The following DNAH12 variants were observed in gnomAD, a reference collection of about 807,000 sequenced individuals.
DNAH12 encodes axonemal beta dynein heavy chain 12.
A neutral mutation model predicts 371.5 loss-of-function variants in DNAH12; 285 were observed. The ratio of observed to expected loss-of-function variants is 0.77; its 90% CI spans 0.70 to 0.85. The LOEUF (loss-of-function observed/expected upper bound fraction) is 0.85, where lower values mean the gene tolerates loss of function less well. DNAH12 is among the 40% of genes least tolerant of loss of function. DNAH12 has a pLI of 0.00. For missense variants in DNAH12, 3,611 were observed against 3,689.4 expected (o/e 0.98, Z 0.55); for synonymous variants, 1,200 against 1,213.0 (o/e 0.99, Z 0.22).
chr3:57,399,987 G>C (rs1575546082), intron 43 of DNAH12, among the ~76,000 whole-genome samples: 1 of 152,130 alleles, frequency 6.6e-6, no homozygotes. Flanking sequence ...ATGTTTTGGG[G>C]GAGTCAAAAG....
chr3:57,406,330 C>T (rs1446231990), intron 40 of DNAH12, among the ~76,000 whole-genome samples: 3 of 140,502 alleles, frequency 2.1e-5, no homozygotes, highest in African/African-American at 5.4e-5. Context: ...GCACTCCAGC[C>T]TGGGCAACGA....
At position 57,437,067 on chromosome 3, in the gene DNAH12, T is replaced by C; in HGVS notation, c.4546-7A>G. 1 of 1,481,574 alleles carries C rather than the reference T, an allele frequency of 6.7e-7. No individual in the cohort carries two copies. The highest frequency in any genetic ancestry group is 9.0e-7 in the Non-Finnish European group (1 of 1,105,834). 91.8% of individuals were successfully genotyped at this position (1,481,574 alleles called of 1,614,324 possible). A position where few individuals can be genotyped will look rare whatever the true frequency, so the allele number is the denominator to read the frequency against. On this transcript the variant is annotated splice_polypyrimidine_tract_variant and splice_region_variant and intron_variant, in intron 29 of 73. Transcript: ENST00000495027. ...GAGCACATTCCAAAAATTCCTGAAA[T>C]AAAAAAAAGTAATGCATTTCTACAA...
intron 4 of DNAH12, among the ~76,000 whole-genome samples, chr3:57,517,191 A>G (rs73080581): frequency 0.12 from 18,986 of 152,168 alleles, 1,342 homozygotes; most frequent in South Asian, 0.21. Flanking sequence ...ACCAGTCACT[A>G]TCTACCATAT....
intron 58 of DNAH12, 97 bp from the exon 59 acceptor site, chr3:57,357,445 G>A (rs1423320519): frequency 6.6e-6 from 1 of 152,020 alleles, no homozygotes; most frequent in Non-Finnish European, 1.5e-5. Flanking sequence ...AAAAATCTCA[G>A]TGCAATAACA....
rs372774364 is a variant in DNAH12 at position 57,323,469 on chromosome 3, T to C, written c.10129A>G (p.Ser3377Gly). 5 of 1,542,124 alleles carry C rather than the reference T, an allele frequency of 3.2e-6. No homozygotes were observed. The highest frequency in any genetic ancestry group is 2.6e-6 in the Non-Finnish European group (3 of 1,144,372). Residue 3377 changes from serine (S) to glycine (G), a missense_variant and splice_region_variant, in exon 63 of 74, where the codon AGC becomes GGC. By Grantham distance (56) the Ser-to-Gly change is moderately conservative. Coordinates refer to ENST00000495027, the MANE Select transcript of DNAH12 (RefSeq NM_001366028.2). ...AAAAGTTTACAGTATATGCACTTACTGGCCATAGGATCTGCTCCTGGAGAT... is the reference window on the plus strand; with the variant it reads ...AAAAGTTTACAGTATATGCACTTACCGGCCATAGGATCTGCTCCTGGAGAT... ...VLSPGADPMA[S>G]LLKFANDKSM...
chr3:57,540,072 G>A (rs1401872357), intron 2 of DNAH12, among the ~76,000 whole-genome samples: 6 of 150,706 alleles, frequency 4.0e-5, no homozygotes, highest in African/African-American at 9.8e-5. Flanking sequence ...TTTTTTTTGA[G>A]ATGGAGTCTC....
At chr3:57,386,642 T>A (rs1312477536) in intron 46 of DNAH12, 39 bp from the exon 47 acceptor site, 1 of 152,218 alleles carries the variant, frequency 6.6e-6, no homozygotes, top group South Asian at 2.1e-4. Context: ...CTTTAAGTAA[T>A]GGATTTCACA....
intron 13 of DNAH12, among the ~76,000 whole-genome samples, chr3:57,476,755 T>A (rs941981805): frequency 1.3e-5 from 2 of 152,210 alleles, no homozygotes; most frequent in African/African-American, 2.4e-5. Flanking sequence ...TGTTTAACAT[T>A]TTTAAAAGTT....
In DNAH12 at chr3:57,468,755, T is replaced by C; in HGVS notation, c.2330A>G (p.Glu777Gly). 1 of 1,481,946 alleles carries C rather than the reference T, an allele frequency of 6.7e-7. No homozygotes were observed. Among genetic ancestry groups the C allele is most frequent in the Non-Finnish European group, 8.9e-7 (1 of 1,123,520 alleles). The allele number at this position is 1,481,946 out of a possible 1,614,324, so 91.8% of individuals were successfully genotyped here. The change falls in exon 17 of 74, where the codon GAA becomes GGA. Residue 777 changes from glutamate (E) to glycine (G), a missense_variant. By Grantham distance (98) the Glu-to-Gly change is moderately conservative. Transcript: ENST00000495027. ...TTATACCTTAAAAGCTTTTATCTGT[T>C]CCATGACTGTACTGCACATAGTAAT... ...ATITMCSTVM[E>G]QIKAFKEYIP...
At chr3:57,552,714 A>C in the DNAH12 span, among the ~76,000 whole-genome samples, 1 of 151,616 alleles carries the variant, frequency 6.6e-6, no homozygotes, top group Non-Finnish European at 1.5e-5. Context: ...GTTTGAGACC[A>C]GCTTGGGCAA....
Position 57,334,509 on chromosome 3 carries a change from C to T in DNAH12, c.9934G>A (p.Glu3312Lys), listed in dbSNP as rs369907750. 6.4e-7 allele frequency: 1 copy of T among 1,550,536 alleles called. No individual in the cohort carries two copies. The highest frequency in any genetic ancestry group is 1.4e-5 in the African/African-American group (1 of 73,016). The change falls in exon 62 of 74, where the codon GAA becomes AAA. Residue 3312 changes from glutamate to lysine, a missense_variant. Physicochemically the swap from Glu to Lys is moderately conservative, Grantham distance 56. This residue lies in a region of DNAH12 where 2,266 missense variants were observed against 2,236.9 expected (regional missense o/e 1.01). Coordinates refer to ENST00000495027, the MANE Select transcript of DNAH12 (RefSeq NM_001366028.2). Reference protein sequence around the residue: ...FPAPMDKNLNELQKIIILRCL... With the variant: ...FPAPMDKNLNKLQKIIILRCL... ...CGAAGAATTATTATTTTCTGTAGTTCATTTAGGTTCTTATCCATTGGTGCT... is the reference window on the plus strand; with the variant it reads ...CGAAGAATTATTATTTTCTGTAGTTTATTTAGGTTCTTATCCATTGGTGCT...
At chr3:57,347,669 C>T (rs1027667837) in intron 60 of DNAH12, among the ~76,000 whole-genome samples, 4 of 146,370 alleles carry the variant, frequency 2.7e-5, no homozygotes, top group Non-Finnish European at 4.5e-5. Context: ...TGAGCCAAGA[C>T]GAGATAGAGC....
chr3:57,327,726 A>G (rs2061985022), intron 62 of DNAH12, among the ~76,000 whole-genome samples: 1 of 152,074 alleles, frequency 6.6e-6, no homozygotes, highest in African/African-American at 2.4e-5. Context: ...GAACTGAAGG[A>G]AATAGAGACA....
rs1412511575 is a variant in DNAH12, at chr3:57,366,941, T to C, written c.8975-20A>G. 1.3e-5 allele frequency: 2 copies of C among 152,214 alleles called. No homozygotes were observed. The highest frequency in any genetic ancestry group is 2.9e-5 in the Non-Finnish European group (2 of 68,044). 9.4% of individuals were successfully genotyped at this position (152,214 alleles called of 1,614,324 possible). On this transcript the variant is annotated intron_variant, in intron 56 of 73. Transcript: ENST00000495027. ...TGCCACCTATATTTCAGAAAACAAA[T>C]GCATAACAAGTGAGCTAGTTACATA...
rs1469094301 is a variant in DNAH12, at chr3:57,542,790, T to C, written c.81A>G (p.Pro27=). The change falls in exon 2 of 74, where the codon CCA becomes CCG. Residue 27 remains proline, a synonymous_variant. Transcript: ENST00000495027. Reference sequence around the variant, plus strand: ...TTGGTGTATCAACGCCTATGTTTTCTGGGAGATGGACAATGGGGGGTAACT... The same window carrying C: ...TTGGTGTATCAACGCCTATGTTTTCCGGGAGATGGACAATGGGGGGTAACT... ...NLKLPPIVHL[P]ENIGVDTPTQ... 5.6e-6 allele frequency: 9 copies of C among 1,611,750 alleles called. No individual in the cohort carries two copies. The highest frequency in any genetic ancestry group is 5.9e-6 in the Non-Finnish European group (7 of 1,179,112).
intron 2 of DNAH12, among the ~76,000 whole-genome samples, chr3:57,531,630 G>A (rs771779825): frequency 4.0e-5 from 6 of 151,746 alleles, no homozygotes; most frequent in African/African-American, 7.3e-5. Flanking sequence ...TGGGTGTGGC[G>A]GCATGTGCTG....
intron 69 of DNAH12, among the ~76,000 whole-genome samples, chr3:57,302,222 C>T (rs2061361705): frequency 6.6e-6 from 1 of 152,034 alleles, no homozygotes; most frequent in East Asian, 1.9e-4. Flanking sequence ...CTAATTTAAG[C>T]AGACAATGAT....
intron 72 of DNAH12, among the ~76,000 whole-genome samples, chr3:57,295,930 G>A (rs891394699): frequency 3.9e-5 from 6 of 152,072 alleles, no homozygotes; most frequent in African/African-American, 1.4e-4. Flanking sequence ...AGTGAAGCAG[G>A]AAATTCAGTA....
intron 43 of DNAH12, among the ~76,000 whole-genome samples, chr3:57,403,060 C>T (rs1017489233): frequency 3.3e-5 from 5 of 152,118 alleles, no homozygotes; most frequent in African/African-American, 1.2e-4. Flanking sequence ...TTCGGTAAAA[C>T]ACAGAGACAA....
Sources: gnomAD v4.1 joint callset for allele counts (sites outside exome capture counted in the v4.1 genomes callset) on GRCh38, gnomAD v4.1.1 for gene constraint, gnomAD v4.1.1 regional missense constraint, MANE v1.5 for transcripts, NCBI Gene and HGNC (gene_info 2026-07-23, HGNC 2026-07-21) for gene names.